SULF2: variants seen among roughly 807,000 people sequenced by gnomAD.
SULF2 encodes the protein sulfatase 2.
A neutral mutation model predicts 107.7 loss-of-function variants in SULF2; 52 were observed. The observed-to-expected ratio is 0.48, with a 90% CI of 0.39 to 0.61. SULF2 has a LOEUF of 0.61. Ranked by LOEUF, SULF2 falls within the 20% of genes least tolerant of loss-of-function variation. SULF2 has a pLI of 0.00. For synonymous variants in SULF2, 460 were observed against 464.3 expected, an observed-to-expected ratio of 0.99 and a Z score of 0.12; for missense variants, 993 against 1,177.3, an observed-to-expected ratio of 0.84 and a Z score of 2.29.
intron 3 of SULF2, among the ~76,000 whole-genome samples, chr20:47,728,305 G>C (rs2089501545): frequency 6.6e-6 from 1 of 152,184 alleles, no homozygotes; most frequent in Admixed American, 6.5e-5. Context: ...GCAAAGAGAA[G>C]GCTGCCATTG....
intron 2 of SULF2, among the ~76,000 whole-genome samples, chr20:47,739,429 T>C (rs923935165): frequency 1.3e-5 from 2 of 152,150 alleles, no homozygotes; most frequent in Admixed American, 6.5e-5. Flanking sequence ...GTATTGCACA[T>C]TGGCCGCCCT....
At chr20:47,659,645 A>G in intron 19 of SULF2, 52 bp downstream of exon 19, 1 of 1,527,406 alleles carries the variant, frequency 6.5e-7, no homozygotes, top group Non-Finnish European at 9.1e-7. Flanking sequence ...AGACTGAAGG[A>G]TGGGCCAAGA....
intron 2 of SULF2, among the ~76,000 whole-genome samples, chr20:47,750,013 C>A (rs1005043063): frequency 6.6e-6 from 1 of 152,186 alleles, no homozygotes; most frequent in Non-Finnish European, 1.5e-5. Context: ...GACAGAGTCT[C>A]GCTCTGTCGC....
intron 7 of SULF2, among the ~76,000 whole-genome samples, chr20:47,679,852 C>T (rs2087766639): frequency 6.6e-6 from 1 of 152,166 alleles, no homozygotes; most frequent in African/African-American, 2.4e-5. Context: ...CTCCTGAGGA[C>T]CCTATTCGGA....
chr20:47,659,986 TCA>T (rs2087014170), intron 18 of SULF2, among the ~76,000 whole-genome samples: 1 of 152,170 alleles, frequency 6.6e-6, no homozygotes, highest in Non-Finnish European at 1.5e-5. Flanking sequence ...ATGGCTTCAT[TCA>T]GCGCTGACCT....
Position 47,746,994 on chromosome 20 carries a change from A to AAAAT in SULF2, c.176-10053_176-10052insATTT, listed in dbSNP as rs1555853890. Among the ~76,000 whole-genome samples the AAAAT allele has an allele frequency of 9.0e-3, 1,183 of 131,666 alleles. 12 individuals carry two copies. The highest frequency in any genetic ancestry group is 0.019 in the Middle Eastern group (5 of 258). The allele number at this position is 131,666 out of a possible 152,430, so 86.4% of individuals were successfully genotyped here. On this transcript the variant is annotated intron_variant, in intron 2 of 20. Transcript: ENST00000688720. Reference sequence around the variant, plus strand: ...GAACTTAAATAAATAAAAAAAAAAAAATATATATATATATATATATATATA... The same window carrying AAAAT: ...GAACTTAAATAAATAAAAAAAAAAAAAAATATATATATATATATATATATATATA...
In SULF2 at chr20:47,723,699, T is replaced by C. The variant is rs573571632; in HGVS notation, c.415+13004A>G. 5.0e-4 allele frequency among the ~76,000 whole-genome samples: 76 copies of C among 152,326 alleles called. 1 individual carries two copies. The South Asian group carries it at 0.016, about 31-fold the overall frequency. On this transcript the variant is annotated intron_variant, in intron 3 of 20. Transcript: ENST00000688720. Reference sequence around the variant, plus strand: ...AGGTTGTGCACTCCTTATGACAATCTAATGCCTGATGATCTGTCACTGTCT... The same window carrying C: ...AGGTTGTGCACTCCTTATGACAATCCAATGCCTGATGATCTGTCACTGTCT...
chr20:47,748,074 C>T (rs1269588219), intron 2 of SULF2, among the ~76,000 whole-genome samples: 1 of 152,222 alleles, frequency 6.6e-6, no homozygotes, highest in Non-Finnish European at 1.5e-5. Context: ...GCATAGCTGA[C>T]CAGCTCAGAA....
intron 1 of SULF2, among the ~76,000 whole-genome samples, chr20:47,759,971 G>C (rs1308729079): frequency 6.6e-6 from 1 of 152,196 alleles, no homozygotes; most frequent in Non-Finnish European, 1.5e-5. Context: ...TCCAGGCCTT[G>C]GCACAAAGAA....
chr20:47,691,890 AT>A (rs201918687), intron 4 of SULF2, among the ~76,000 whole-genome samples: 5 of 151,590 alleles, frequency 3.3e-5, no homozygotes, highest in South Asian at 2.1e-4. Flanking sequence ...ATACTCTTTA[AT>A]TTTTTTTTGG....
In SULF2 at chr20:47,721,926, G is replaced by A. The variant is rs573215983; in HGVS notation, c.415+14777C>T. 9.2e-5 allele frequency among the ~76,000 whole-genome samples: 14 copies of A among 152,280 alleles called. No homozygotes were observed. The South Asian group carries it at 2.5e-3, about 27-fold the overall frequency. ...GTGAAAGAGACATAAGACCCTAGAT[G>A]AGCCAATGAGAGCTTTCCCTGGAAC... On this transcript the variant is annotated intron_variant, in intron 3 of 20. Transcript: ENST00000688720.
chr20:47,726,850 C>T lies in SULF2; in HGVS notation c.415+9853G>A, dbSNP rs372364035. ...TGTGCCTGTCTGTCACCACAGTCAC[C>T]CTTCCCTCACTTTTGACCCTGCAGC... On this transcript the variant is annotated intron_variant, in intron 3 of 20. Coordinates refer to ENST00000688720, the MANE Select transcript of SULF2 (RefSeq NM_001387048.1). Among the ~76,000 whole-genome samples the T allele has an allele frequency of 1.4e-4, 21 of 152,282 alleles. No individual in the cohort carries two copies. The East Asian group carries it at 2.3e-3, about 17-fold the overall frequency.
intron 1 of SULF2, among the ~76,000 whole-genome samples, chr20:47,760,378 C>A (rs1488120119): frequency 1.3e-5 from 2 of 152,094 alleles, no homozygotes; most frequent in African/African-American, 4.8e-5. Flanking sequence ...CAGGCAGTAG[C>A]CTTCGTGTCT....
At chr20:47,769,175 G>A (rs1278134083) in intron 1 of SULF2, among the ~76,000 whole-genome samples, 2 of 152,006 alleles carry the variant, frequency 1.3e-5, no homozygotes, top group Non-Finnish European at 2.9e-5. Flanking sequence ...TGAGTAGCTG[G>A]AACTACAGGT....
intron 4 of SULF2, among the ~76,000 whole-genome samples, chr20:47,701,641 C>T (rs964704665): frequency 6.6e-6 from 1 of 152,190 alleles, no homozygotes; most frequent in Non-Finnish European, 1.5e-5. Flanking sequence ...CTCAGCAGCG[C>T]TATTTGTAAT....
intron 4 of SULF2, among the ~76,000 whole-genome samples, chr20:47,699,070 C>A (rs1470966708): frequency 6.6e-6 from 1 of 152,094 alleles, no homozygotes; most frequent in East Asian, 1.9e-4. Context: ...TAATAACTAG[C>A]AAGCTTGGAG....
intron 3 of SULF2, among the ~76,000 whole-genome samples, chr20:47,716,104 T>C (rs1340737798): frequency 1.3e-5 from 2 of 152,208 alleles, no homozygotes; most frequent in Admixed American, 1.3e-4. Context: ...CTTTTCAATA[T>C]GGTCAAAATT....
Position 47,680,229 on chromosome 20 carries a change from C to T in SULF2, c.1065-1425G>A, listed in dbSNP as rs528618571. Among the ~76,000 whole-genome samples, 14 of 152,296 alleles carry T rather than the reference C, an allele frequency of 9.2e-5. No homozygotes were observed. In the East Asian group the frequency reaches 1.5e-3, roughly 17 times the overall value. On this transcript the variant is annotated intron_variant, in intron 7 of 20. Coordinates refer to ENST00000688720, the MANE Select transcript of SULF2 (RefSeq NM_001387048.1). The surrounding 1 kb of genome is among the most constrained non-coding windows in gnomAD (Gnocchi z 4.2). ...AAGCGATTCTCATGCCTCAGCCTCC[C>T]GAGTAGCTGGGATTACAGGCATGCG...
intron 3 of SULF2, among the ~76,000 whole-genome samples, chr20:47,732,548 A>T (rs2089637011): frequency 6.6e-6 from 1 of 152,104 alleles, no homozygotes; most frequent in Admixed American, 6.6e-5. Context: ...CCTTTGTAAA[A>T]ACTGAGGATG....
Sources: allele counts gnomAD v4.1 joint callset (sites outside exome capture counted in the v4.1 genomes callset), GRCh38; gene constraint gnomAD v4.1.1; non-coding constraint Gnocchi (gnomAD v3.1); transcripts MANE v1.5; gene names NCBI Gene and HGNC (gene_info 2026-07-23, HGNC 2026-07-21).